TLCD2: variants seen among roughly 807,000 people sequenced by gnomAD.
The protein encoded by TLCD2 is TLC domain containing 2, also known as TLC domain-containing protein 2.
Under a neutral mutation model 14.0 loss-of-function variants are expected in TLCD2, and 12 were observed. That is an observed-to-expected ratio of 0.86 (90% CI 0.55 to 1.39). The LOEUF (loss-of-function observed/expected upper bound fraction) is 1.39, where lower values mean the gene tolerates loss of function less well. Among genes scored for constraint, TLCD2 ranks in the 40% most tolerant of loss-of-function variants. TLCD2 has a pLI of 0.00. For missense variants in TLCD2, 360 were observed against 346.8 expected (o/e 1.04, Z -0.30); for synonymous variants, 166 against 156.5 (o/e 1.06, Z -0.45).
chr17:1,707,876 C>G lies in TLCD2; in HGVS notation c.689G>C (p.Arg230Pro), dbSNP rs928022483. 2 of 1,537,180 alleles carry G rather than the reference C, an allele frequency of 1.3e-6. No homozygotes were observed. The highest frequency in any genetic ancestry group is 2.4e-5 in the East Asian group (1 of 40,920). Residue 230 changes from arginine (R) to proline (P), a missense_variant, in exon 4 of 4, where the codon CGA (arginine) becomes CCA (proline). Transcript: ENST00000330676. Reference sequence around the variant, plus strand: ...ATGGCCAGGGCTGGGTGGATGGGGTCGAGACTGTAGGACATCATTGACCAG... The same window carrying G: ...ATGGCCAGGGCTGGGTGGATGGGGTGGAGACTGTAGGACATCATTGACCAG... The part of the protein sequence containing the change: ...RILVNDVLQS[R>P]PHPPSPGHEK...
At chr17:1,708,649 G>A (rs1331479480) in intron 3 of TLCD2, among the ~76,000 whole-genome samples, 1 of 151,924 alleles carries the variant, frequency 6.6e-6, no homozygotes, top group Non-Finnish European at 1.5e-5. Context: ...ACCACACCCA[G>A]GTAATTTTTG....
Position 1,708,289 on chromosome 17 carries a change from G to A in TLCD2, c.343-67C>T, listed in dbSNP as rs910573740. On this transcript the variant is annotated intron_variant, in intron 3 of 3. Transcript: ENST00000330676. Reference sequence around the variant, plus strand: ...CCAGCCATCATGTCCCAATAACCCAGGCCTGAAGAAAGAGGCTTCCACGCA... The same window carrying A: ...CCAGCCATCATGTCCCAATAACCCAAGCCTGAAGAAAGAGGCTTCCACGCA... The A allele has an allele frequency of 7.0e-6, 9 of 1,294,776 alleles. No individual in the cohort carries two copies. The Admixed American group carries it at 8.1e-5, about 12-fold the overall frequency. The allele number at this position is 1,294,776 out of a possible 1,614,324, so 80.2% of individuals were successfully genotyped here.
Position 1,709,458 on chromosome 17 carries a change from C to A in TLCD2, c.342+41G>T, listed in dbSNP as rs1480713989. The A allele has an allele frequency of 1.6e-5, 23 of 1,459,706 alleles. No homozygotes were observed. In the East Asian group the frequency reaches 5.2e-4, roughly 33 times the overall value. The allele number at this position is 1,459,706 out of a possible 1,614,324, so 90.4% of individuals were successfully genotyped here. A position where few individuals can be genotyped will look rare whatever the true frequency, so the allele number is the denominator to read the frequency against. On this transcript the variant is annotated intron_variant, in intron 3 of 3. Transcript: ENST00000330676. ...GGAACCTCGGGCTGGACAGGGCTCC[C>A]CTCCTCCCTTCCTGTCTGGCTTCTG...
chr17:1,710,253 T>C lies in TLCD2; in HGVS notation c.-11A>G. 1 of 1,515,132 alleles carries C rather than the reference T, an allele frequency of 6.6e-7. No homozygotes were observed. The highest frequency in any genetic ancestry group is 8.8e-7 in the Non-Finnish European group (1 of 1,138,870). The allele number at this position is 1,515,132 out of a possible 1,614,324, so 93.9% of individuals were successfully genotyped here. ...CCCCGTGGGCGCCATGGCCTGGCGGTTGGGGGGTTGCGGGGAGTCCGGGTC... is the reference window on the plus strand; with the variant it reads ...CCCCGTGGGCGCCATGGCCTGGCGGCTGGGGGGTTGCGGGGAGTCCGGGTC... On this transcript the variant is annotated 5_prime_UTR_variant, in exon 1 of 4. Coordinates refer to ENST00000330676, the MANE Select transcript of TLCD2 (RefSeq NM_001164407.2). The surrounding 1 kb of genome is among the most constrained non-coding windows in gnomAD (Gnocchi z 6.1).
rs1307508537 is a variant in TLCD2, at chr17:1,709,538, G to C, written c.303C>G (p.Thr101=). The change falls in exon 3 of 4, where the codon ACC becomes ACG. Residue 101 remains threonine, a synonymous_variant. Coordinates refer to ENST00000330676, the MANE Select transcript of TLCD2 (RefSeq NM_001164407.2). ...ADGADLLWNQ[T]LGKTWDLLCH... is the part of the protein sequence containing the mutation. ...AGAGAAGATCCCAGGTCTTGCCCAAGGTCTGGTTCCACAGCAGGTCAGCTC... is the reference window on the plus strand; with the variant it reads ...AGAGAAGATCCCAGGTCTTGCCCAACGTCTGGTTCCACAGCAGGTCAGCTC... 1.3e-6 allele frequency: 2 copies of C among 1,537,134 alleles called. No individual in the cohort carries two copies. The highest frequency in any genetic ancestry group is 1.7e-6 in the Non-Finnish European group (2 of 1,146,886).
chr17:1,709,186 C>T (rs189942359), intron 3 of TLCD2, among the ~76,000 whole-genome samples: 306 of 152,086 alleles, frequency 2.0e-3, no homozygotes, highest in African/African-American at 6.3e-3. Flanking sequence ...GTCAGAAGTT[C>T]GAGACCAGCC....
rs1914158432 is a variant in TLCD2, at chr17:1,709,705, G to T, written c.259+99C>A. The T allele has an allele frequency of 2.8e-6, 3 of 1,061,100 alleles. No individual in the cohort carries two copies. In the South Asian group the frequency reaches 4.0e-5, roughly 14 times the overall value. 65.7% of individuals were successfully genotyped at this position (1,061,100 alleles called of 1,614,324 possible). A position where few individuals can be genotyped will look rare whatever the true frequency, so the allele number is the denominator to read the frequency against. ...TTCCCTTGGTAAAGCCTTCAGGAAC[G>T]TTTAACCCCCATGGGGGCGGGGAAT... On this transcript the variant is annotated intron_variant, in intron 2 of 3. Coordinates refer to ENST00000330676, the MANE Select transcript of TLCD2 (RefSeq NM_001164407.2).
Position 1,703,965 on chromosome 17 carries a change from A to G in TLCD2, c.*3805T>C, listed in dbSNP as rs185028304. ...TTTGGCCGGGTGTGTTGGCTCACGC[A>G]TATAATCCCAGTAGTTTGGGAGCCC... On this transcript the variant is annotated 3_prime_UTR_variant, in exon 4 of 4. Coordinates refer to ENST00000330676, the MANE Select transcript of TLCD2 (RefSeq NM_001164407.2). 5 of 151,480 alleles carry G rather than the reference A, an allele frequency of 3.3e-5. No individual in the cohort carries two copies. Among genetic ancestry groups the G allele is most frequent in the African/African-American group, 1.2e-4 (5 of 41,260 alleles). The allele number at this position is 151,480 out of a possible 1,614,324, so 9.4% of individuals were successfully genotyped here.
rs1914151791 is a variant in TLCD2, at chr17:1,709,563, C to G, written c.278G>C (p.Gly93Ala). Residue 93 changes from glycine (G) to alanine (A), a missense_variant, in exon 3 of 4, where the codon GGA (glycine) becomes GCA (alanine). By Grantham distance (60) the Gly-to-Ala change is moderately conservative. Transcript: ENST00000330676. ...AVSVGYFLAD[G>A]ADLLWNQTLG... ...GGTCTGGTTCCACAGCAGGTCAGCTCCGTCTGCCAGGAAGTAACCTGTGGG... is the reference window on the plus strand; with the variant it reads ...GGTCTGGTTCCACAGCAGGTCAGCTGCGTCTGCCAGGAAGTAACCTGTGGG... The G allele has an allele frequency of 2.0e-6, 3 of 1,537,168 alleles. No individual in the cohort carries two copies. Among genetic ancestry groups the G allele is most frequent in the Non-Finnish European group, 2.6e-6 (3 of 1,146,890 alleles).
rs918590974 is a variant in TLCD2, at chr17:1,707,384, T to A, written c.*386A>T. On this transcript the variant is annotated 3_prime_UTR_variant, in exon 4 of 4. Coordinates refer to ENST00000330676, the MANE Select transcript of TLCD2 (RefSeq NM_001164407.2). ...GTCCCCACCCGCCCCATACCAGATC[T>A]CTCTGATCCTAGTGGGACTTCACCT... is the stretch of plus-strand genomic sequence containing the variant. 4.8e-6 allele frequency: 1 copy of A among 209,386 alleles called. No homozygotes were observed. The highest frequency in any genetic ancestry group is 2.3e-5 in the African/African-American group (1 of 43,388). 13.0% of individuals were successfully genotyped at this position (209,386 alleles called of 1,614,324 possible).
Position 1,710,307 on chromosome 17 carries a change from G to C in TLCD2, c.-65C>G, listed in dbSNP as rs1914189748. 1 of 1,367,512 alleles carries C rather than the reference G, an allele frequency of 7.3e-7. No homozygotes were observed. The highest frequency in any genetic ancestry group is 1.5e-5 in the African/African-American group (1 of 64,942). 84.7% of individuals were successfully genotyped at this position (1,367,512 alleles called of 1,614,324 possible). On this transcript the variant is annotated 5_prime_UTR_variant, in exon 1 of 4. Coordinates refer to ENST00000330676, the MANE Select transcript of TLCD2 (RefSeq NM_001164407.2). This position sits in a 1 kb window ranked among gnomAD's most constrained non-coding sequence, Gnocchi z 6.1. ...CCCCTCGGCGCCCGCGCTCTCGGCC[G>C]GGACTGGGAACCCGTTTCCCGGCAG... is the stretch of plus-strand genomic sequence containing the variant.
rs1233885285 is a variant in TLCD2 at position 1,703,709 on chromosome 17, CT to C, written c.*4060del. 6.6e-6 allele frequency: 1 copy of C among 152,140 alleles called. No individual in the cohort carries two copies. Among genetic ancestry groups the C allele is most frequent in the African/African-American group, 2.4e-5 (1 of 41,418 alleles). 9.4% of individuals were successfully genotyped at this position (152,140 alleles called of 1,614,324 possible). On this transcript the variant is annotated 3_prime_UTR_variant, in exon 4 of 4. Coordinates refer to ENST00000330676, the MANE Select transcript of TLCD2 (RefSeq NM_001164407.2). Reference sequence around the variant, plus strand: ...CAAGTATTACCAAAAGGGACACTCACTCAAACCATCATGAATGTATACCAGT... The same window carrying C: ...CAAGTATTACCAAAAGGGACACTCACCAAACCATCATGAATGTATACCAGT...
Position 1,704,790 on chromosome 17 carries a change from C to T in TLCD2, c.*2980G>A, listed in dbSNP as rs1057429466. The T allele has an allele frequency of 4.6e-5, 7 of 151,600 alleles. No homozygotes were observed. The highest frequency in any genetic ancestry group is 1.2e-4 in the African/African-American group (5 of 41,300). 9.4% of individuals were successfully genotyped at this position (151,600 alleles called of 1,614,324 possible). Reference sequence around the variant, plus strand: ...CTATCTCGGCTCATTATAACAACCTCGGCCTCCCAGGTTCAAACGATTCTC... The same window carrying T: ...CTATCTCGGCTCATTATAACAACCTTGGCCTCCCAGGTTCAAACGATTCTC... On this transcript the variant is annotated 3_prime_UTR_variant, in exon 4 of 4. Transcript: ENST00000330676.
At chr17:1,708,334 C>T (rs1914105521) in intron 3 of TLCD2, 112 bp from the exon 4 acceptor site, 4 of 790,498 alleles carry the variant, frequency 5.1e-6, no homozygotes, top group East Asian at 5.4e-5. Context: ...GCTCCCCAAA[C>T]ACCTGACCTT....
Position 1,707,751 on chromosome 17 carries a change from A to T in TLCD2, c.*19T>A, listed in dbSNP as rs913779058. ...TGTCCTGGCCCCACCTCCCCCAGCGAGGGGCCCATGGCTTCTCTCTAGTCT... is the reference window on the plus strand; with the variant it reads ...TGTCCTGGCCCCACCTCCCCCAGCGTGGGGCCCATGGCTTCTCTCTAGTCT... On this transcript the variant is annotated 3_prime_UTR_variant, in exon 4 of 4. Transcript: ENST00000330676. 1.4e-6 allele frequency: 2 copies of T among 1,463,450 alleles called. No homozygotes were observed. Among genetic ancestry groups the T allele is most frequent in the Non-Finnish European group, 1.8e-6 (2 of 1,108,168 alleles). 90.7% of individuals were successfully genotyped at this position (1,463,450 alleles called of 1,614,324 possible). A position where few individuals can be genotyped will look rare whatever the true frequency, so the allele number is the denominator to read the frequency against.
chr17:1,709,389 C>CA (rs781399159), intron 3 of TLCD2, 110 bp downstream of exon 3: 8,981 of 296,284 alleles, frequency 0.03, 32 homozygotes, highest in South Asian at 0.043. Context: ...GACTCCGTCT[C>CA]AAAAAAAAAA....
At position 1,710,001 on chromosome 17, in the gene TLCD2, G is replaced by C; in HGVS notation, c.176+66C>G. The C allele has an allele frequency of 6.6e-7, 1 of 1,516,142 alleles. No homozygotes were observed. The highest frequency in any genetic ancestry group is 8.8e-7 in the Non-Finnish European group (1 of 1,136,664). The allele number at this position is 1,516,142 out of a possible 1,614,324, so 93.9% of individuals were successfully genotyped here. ...TCTCAGCTCTGGAGACGCCCGGCGG[G>C]TCTCCCGGCCTCAGCCTCCCACCCC... On this transcript the variant is annotated intron_variant, in intron 1 of 3. Coordinates refer to ENST00000330676, the MANE Select transcript of TLCD2 (RefSeq NM_001164407.2). The surrounding 1 kb of genome is among the most constrained non-coding windows in gnomAD (Gnocchi z 6.1).
intron 3 of TLCD2, among the ~76,000 whole-genome samples, 173 bp from the exon 4 acceptor site, chr17:1,708,395 C>A (rs1914106825): frequency 6.6e-6 from 1 of 152,038 alleles, no homozygotes; most frequent in Non-Finnish European, 1.5e-5. Context: ...AACAACCCTT[C>A]CATAGATGGA....
rs935713338 is a variant in TLCD2, at chr17:1,703,113, C to A, written c.*4657G>T. 1.3e-5 allele frequency: 2 copies of A among 151,984 alleles called. No homozygotes were observed. The highest frequency in any genetic ancestry group is 4.8e-5 in the African/African-American group (2 of 41,340). 9.4% of individuals were successfully genotyped at this position (151,984 alleles called of 1,614,324 possible). A position where few individuals can be genotyped will look rare whatever the true frequency, so the allele number is the denominator to read the frequency against. ...GTCCTTTTTTTAGGGTCTTAATTGACCATTCTTCTTTGATTCACATCATCT... is the reference window on the plus strand; with the variant it reads ...GTCCTTTTTTTAGGGTCTTAATTGAACATTCTTCTTTGATTCACATCATCT... On this transcript the variant is annotated 3_prime_UTR_variant, in exon 4 of 4. Coordinates refer to ENST00000330676, the MANE Select transcript of TLCD2 (RefSeq NM_001164407.2).
Sources: gnomAD v4.1 joint callset for allele counts (sites outside exome capture counted in the v4.1 genomes callset) on GRCh38, gnomAD v4.1.1 for gene constraint, Gnocchi (gnomAD v3.1) non-coding constraint, MANE v1.5 for transcripts, NCBI Gene and HGNC (gene_info 2026-07-23, HGNC 2026-07-21) for gene names.